Variants in VDR observed in about 807,000 individuals in gnomAD.
VDR encodes vitamin D receptor.
In VDR, 19 loss-of-function variants were observed where a neutral mutation model predicts 39.7. The ratio of observed to expected loss-of-function variants is 0.48; its 90% confidence interval spans 0.33 to 0.70. The LOEUF (loss-of-function observed/expected upper bound fraction) is 0.70, where lower values mean the gene tolerates loss of function less well. Among genes scored for constraint, VDR ranks in the 30% least tolerant of loss-of-function variants. The pLI is 0.02. For missense variants in VDR, 442 were observed against 570.5 expected, an observed-to-expected ratio of 0.77 and a Z score of 2.29; for synonymous variants, 242 against 215.8, an observed-to-expected ratio of 1.12 and a Z score of -1.07.
intron 2 of VDR, among the ~76,000 whole-genome samples, chr12:47,879,773 T>A (rs1175300790): frequency 6.6e-6 from 1 of 152,320 alleles, no homozygotes; most frequent in South Asian, 2.1e-4. Flanking sequence ...CCCCCCCTTT[T>A]TTTGGCAATA....
chr12:47,846,666 C>CGTCACT lies in VDR; in HGVS notation c.892_897dup (p.Ser298_Asp299dup). On this transcript the variant is annotated inframe_insertion, in exon 8 of 10. Transcript: ENST00000549336. The stretch of plus-strand genomic sequence containing the variant: ...TGGAGTCTAGGCATACCTTTGGTCA[C>CGTCACT]GTCACTGACGCGGTACTTGTAGTCT... 6.2e-7 allele frequency: 1 copy of CGTCACT among 1,613,704 alleles called. No individual in the cohort carries two copies. Among genetic ancestry groups the CGTCACT allele is most frequent in the Non-Finnish European group, 8.5e-7 (1 of 1,180,044 alleles).
intron 3 of VDR, among the ~76,000 whole-genome samples, chr12:47,866,989 C>T (rs1456381321): frequency 7.0e-6 from 1 of 142,612 alleles, no homozygotes; most frequent in East Asian, 2.2e-4. Flanking sequence ...GAGCAAGACC[C>T]TGTCTCAAAA....
chr12:47,879,536 T>C (rs913425419), intron 2 of VDR, among the ~76,000 whole-genome samples: 37 of 152,192 alleles, frequency 2.4e-4, no homozygotes, highest in African/African-American at 8.9e-4. Context: ...GGGGCTTCTA[T>C]CCTGCCCAAC....
chr12:47,904,729 C>T, intron 1 of VDR: 1 of 1,238,574 alleles, frequency 8.1e-7, no homozygotes, highest in Non-Finnish European at 1.1e-6. Flanking sequence ...CCGAGGATGT[C>T]GCTGCTCCCC....
At chr12:47,877,004 T>A (rs1946021158) in intron 3 of VDR, among the ~76,000 whole-genome samples, 1 of 152,216 alleles carries the variant, frequency 6.6e-6, no homozygotes, top group African/African-American at 2.4e-5. Flanking sequence ...TGACAAGATA[T>A]GACCTTCGGT....
chr12:47,878,298 A>G (rs1946049278), intron 3 of VDR, among the ~76,000 whole-genome samples: 2 of 151,666 alleles, frequency 1.3e-5, no homozygotes, highest in South Asian at 2.1e-4. Flanking sequence ...CCACGCTCCC[A>G]CCCTGGCTTT....
intron 3 of VDR, among the ~76,000 whole-genome samples, chr12:47,866,909 T>G: frequency 6.6e-6 from 1 of 150,610 alleles, no homozygotes; most frequent in African/African-American, 2.4e-5. Context: ...GGCAGGAGAG[T>G]CGTTTGAACC....
rs1219443864 is a variant in VDR, at chr12:47,853,171, A to C, written c.755+2459T>G. Among the ~76,000 whole-genome samples the C allele has an allele frequency of 3.3e-5, 5 of 152,282 alleles. No homozygotes were observed. The East Asian group carries it at 9.7e-4, about 29-fold the overall frequency. On this transcript the variant is annotated intron_variant, in intron 7 of 9. Transcript: ENST00000549336. ...TATTGTTTTAAGAATATTGGCCGGC[A>C]GTGGCTCATGCCTGTAATCCCAGCA...
intron 7 of VDR, 110 bp downstream of exon 7, chr12:47,855,520 A>C: frequency 7.4e-7 from 1 of 1,355,602 alleles, no homozygotes; most frequent in African/African-American, 1.5e-5. Context: ...ATGCCGTTTA[A>C]AAAAATAAAA....
Position 47,841,890 on chromosome 12 carries a change from C to T in VDR, c.*2856G>A, listed in dbSNP as rs573569334. On this transcript the variant is annotated 3_prime_UTR_variant, in exon 10 of 10. Coordinates refer to ENST00000549336, the MANE Select transcript of VDR (RefSeq NM_000376.3). ...TTCTCCTTCAGTTATAATGATATAC[C>T]TTAAAAGTTTTACATTTACAAATGT... 2.9e-4 allele frequency: 44 copies of T among 152,390 alleles called. No homozygotes were observed. Among genetic ancestry groups the T allele is most frequent in the African/African-American group, 1.0e-3 (43 of 41,524 alleles). 9.4% of individuals were successfully genotyped at this position (152,390 alleles called of 1,614,324 possible).
chr12:47,878,924 T>C (rs569745169), intron 3 of VDR, 44 bp downstream of exon 3: 1 of 1,613,946 alleles, frequency 6.2e-7, no homozygotes, highest in Non-Finnish European at 8.5e-7. Flanking sequence ...CCTTGCTTCT[T>C]CTCCCTCCCT....
chr12:47,867,990 A>T (rs1053363776), intron 3 of VDR, among the ~76,000 whole-genome samples: 1 of 152,022 alleles, frequency 6.6e-6, no homozygotes, highest in African/African-American at 2.4e-5. Flanking sequence ...GCAGGCCCAG[A>T]CTCTTAGATC....
intron 6 of VDR, among the ~76,000 whole-genome samples, chr12:47,856,715 T>C (rs981509707): frequency 6.6e-5 from 10 of 151,744 alleles, no homozygotes; most frequent in African/African-American, 2.4e-4. Flanking sequence ...GCCAGAGTGG[T>C]CCCCAGAGCT....
intron 4 of VDR, among the ~76,000 whole-genome samples, chr12:47,861,304 C>T (rs1945620963): frequency 6.6e-6 from 1 of 152,164 alleles, no homozygotes; most frequent in African/African-American, 2.4e-5. Flanking sequence ...CAAGTTTAAC[C>T]CTATAACATG....
chr12:47,853,321 T>A (rs1179850758), intron 7 of VDR, among the ~76,000 whole-genome samples: 12 of 151,706 alleles, frequency 7.9e-5, no homozygotes, highest in Admixed American at 7.9e-4. Flanking sequence ...CGGGCGCCTG[T>A]CATCCCAGCT....
chr12:47,877,416 A>ACCTT (rs1423813976), intron 3 of VDR, among the ~76,000 whole-genome samples: 4 of 152,308 alleles, frequency 2.6e-5, no homozygotes, highest in Admixed American at 6.5e-5. Flanking sequence ...CATCTCATTA[A>ACCTT]TCCTCAGATT....
At chr12:47,859,479 T>A (rs1379728910) in intron 4 of VDR, among the ~76,000 whole-genome samples, 1 of 152,212 alleles carries the variant, frequency 6.6e-6, no homozygotes, top group Non-Finnish European at 1.5e-5. Flanking sequence ...CATTTCCAGT[T>A]GTGCTAGGTG....
intron 1 of VDR, among the ~76,000 whole-genome samples, chr12:47,884,938 T>C (rs1284717362): frequency 1.3e-5 from 2 of 152,112 alleles, no homozygotes; most frequent in African/African-American, 4.8e-5. Flanking sequence ...GACGGTCCTT[T>C]TAGGAGAGAT....
In VDR at chr12:47,841,728, G is replaced by C. The variant is rs1162681763; in HGVS notation, c.*3018C>G. 6.6e-6 allele frequency: 1 copy of C among 152,242 alleles called. No homozygotes were observed. Among genetic ancestry groups the C allele is most frequent in the Non-Finnish European group, 1.5e-5 (1 of 68,030 alleles). 9.4% of individuals were successfully genotyped at this position (152,242 alleles called of 1,614,324 possible). A position where few individuals can be genotyped will look rare whatever the true frequency, so the allele number is the denominator to read the frequency against. ...ACATCCTTTCGCTGCCATATCTCTAGCTTTCACTAAATCTGCCACACATTC... is the reference window on the plus strand; with the variant it reads ...ACATCCTTTCGCTGCCATATCTCTACCTTTCACTAAATCTGCCACACATTC... On this transcript the variant is annotated 3_prime_UTR_variant, in exon 10 of 10. Coordinates refer to ENST00000549336, the MANE Select transcript of VDR (RefSeq NM_000376.3).
Sources: allele counts gnomAD v4.1 joint callset (sites outside exome capture counted in the v4.1 genomes callset), GRCh38; gene constraint gnomAD v4.1.1; transcripts MANE v1.5; gene names NCBI Gene and HGNC (gene_info 2026-07-23, HGNC 2026-07-21).